Variants in C12orf42 observed in about 807,000 individuals in gnomAD.
The protein encoded by C12orf42 is chromosome 12 open reading frame 42, also known as uncharacterized protein C12orf42.
In C12orf42, 25 loss-of-function variants were observed where a neutral mutation model predicts 21.6. The ratio of observed to expected loss-of-function variants is 1.16; its 90% CI spans 0.84 to 1.62. The LOEUF (loss-of-function observed/expected upper bound fraction) is 1.62, where lower values mean the gene tolerates loss of function less well. Among genes scored for constraint, C12orf42 ranks in the 40% most tolerant of loss-of-function variants. The probability of loss-of-function intolerance (pLI) is 0.00; values close to 1 mark genes in which losing one functional copy is unlikely to be tolerated. For missense variants in C12orf42, 483 were observed against 459.3 expected, an observed-to-expected ratio of 1.05 and a Z score of -0.47; for synonymous variants, 174 against 175.0, an observed-to-expected ratio of 0.99 and a Z score of 0.05.
intron 4 of C12orf42, among the ~76,000 whole-genome samples, chr12:103,287,823 A>G (rs1346980914): frequency 6.6e-6 from 1 of 151,968 alleles, no homozygotes; most frequent in African/African-American, 2.4e-5. Flanking sequence ...AGAGAGAGAC[A>G]GAGAGAGAAA....
At chr12:103,172,718 A>G in the C12orf42 span, among the ~76,000 whole-genome samples, 3 of 152,178 alleles carry the variant, frequency 2.0e-5, no homozygotes, top group African/African-American at 7.2e-5. Context: ...TTTCAAGGAT[A>G]TTGCTACAAA....
intron 1 of C12orf42, among the ~76,000 whole-genome samples, chr12:103,491,017 C>T (rs1238620930): frequency 1.3e-5 from 2 of 152,078 alleles, no homozygotes; most frequent in African/African-American, 2.4e-5. Context: ...TTTTATCATA[C>T]TCTTAGTCCA....
the C12orf42 span, among the ~76,000 whole-genome samples, chr12:103,211,747 A>C: frequency 6.6e-6 from 1 of 152,206 alleles, no homozygotes; most frequent in Non-Finnish European, 1.5e-5. Flanking sequence ...CGGCTCTCAG[A>C]AACAGTGGGA....
the C12orf42 span, among the ~76,000 whole-genome samples, chr12:103,192,323 T>C: frequency 6.6e-6 from 1 of 151,828 alleles, no homozygotes; most frequent in Admixed American, 6.6e-5. Flanking sequence ...GCCAACATGG[T>C]GAAACCCCCT....
At chr12:103,138,589 A>G in the C12orf42 span, among the ~76,000 whole-genome samples, 1 of 152,184 alleles carries the variant, frequency 6.6e-6, no homozygotes, top group Non-Finnish European at 1.5e-5. Flanking sequence ...CAGCAGTGTG[A>G]GAATGCACTA....
At chr12:103,225,581 C>T in the C12orf42 span, among the ~76,000 whole-genome samples, 731 of 151,776 alleles carry the variant, frequency 4.8e-3, 7 homozygotes, top group African/African-American at 0.017. Flanking sequence ...GGAAGAAGGG[C>T]GGCAATGAGA....
At chr12:103,329,908 C>A (rs949584258) in intron 4 of C12orf42, among the ~76,000 whole-genome samples, 1 of 151,656 alleles carries the variant, frequency 6.6e-6, no homozygotes, top group Non-Finnish European at 1.5e-5. Context: ...ATATGTATAT[C>A]CACTGACATA....
chr12:103,225,427 C>T, the C12orf42 span, among the ~76,000 whole-genome samples: 6 of 151,864 alleles, frequency 4.0e-5, no homozygotes, highest in African/African-American at 9.7e-5. Flanking sequence ...GGGATATTGG[C>T]GTTGAGTAGG....
intron 4 of C12orf42, among the ~76,000 whole-genome samples, chr12:103,320,884 G>A (rs2040018893): frequency 1.3e-5 from 2 of 152,078 alleles, no homozygotes; most frequent in South Asian, 4.1e-4. Flanking sequence ...TCTTAGGTGA[G>A]TATACCTTTT....
rs59088168 is a variant in C12orf42, at chr12:103,442,582, C to T, written c.78+35767G>A. ...TCCATTCTGCCAGTTCCCTGTACAT[C>T]CTGGCATAGCCTCTTTTATTCCCAT... On this transcript the variant is annotated intron_variant, in intron 2 of 5. Coordinates refer to ENST00000548883, the MANE Select transcript of C12orf42 (RefSeq NM_198521.5). Among the ~76,000 whole-genome samples, 1,839 of 152,270 alleles carry T rather than the reference C, an allele frequency of 0.012. 201 individuals carry two copies. The East Asian group carries it at 0.25, about 21-fold the overall frequency.
At chr12:103,214,108 G>T in the C12orf42 span, among the ~76,000 whole-genome samples, 1 of 152,136 alleles carries the variant, frequency 6.6e-6, no homozygotes. Flanking sequence ...TTAATATTCA[G>T]GTGGCTTAAC....
intron 10 of C12orf42, among the ~76,000 whole-genome samples, chr12:103,261,750 C>G (rs920763053): frequency 1.3e-5 from 2 of 152,038 alleles, no homozygotes; most frequent in African/African-American, 4.8e-5. Flanking sequence ...TCAGAAATAT[C>G]TTAACATTGT....
At chr12:103,291,056 T>C (rs2036784272) in intron 4 of C12orf42, among the ~76,000 whole-genome samples, 2 of 152,166 alleles carry the variant, frequency 1.3e-5, no homozygotes, top group South Asian at 2.1e-4. Context: ...AAATATAGTA[T>C]TTAGTCAGAT....
chr12:103,166,634 G>T, the C12orf42 span, among the ~76,000 whole-genome samples: 9 of 152,028 alleles, frequency 5.9e-5, no homozygotes, highest in African/African-American at 1.9e-4. Context: ...GAATTCAAAG[G>T]CAATAAACCC....
chr12:103,222,242 C>T, the C12orf42 span, among the ~76,000 whole-genome samples: 5 of 148,838 alleles, frequency 3.4e-5, no homozygotes, highest in East Asian at 2.0e-4. Context: ...AGGGTGGGGC[C>T]GTTTTATAGG....
chr12:103,203,359 C>T, the C12orf42 span, among the ~76,000 whole-genome samples: 6 of 152,076 alleles, frequency 3.9e-5, no homozygotes, highest in Admixed American at 3.9e-4. Context: ...TTGATCAAAA[C>T]CTATGCAGTG....
At chr12:103,135,757 G>A in the C12orf42 span, among the ~76,000 whole-genome samples, 1 of 152,110 alleles carries the variant, frequency 6.6e-6, no homozygotes, top group South Asian at 2.1e-4. Context: ...TTCAACATAT[G>A]CAAATAAATA....
downstream of C12orf42, among the ~76,000 whole-genome samples, chr12:103,237,374 G>A (rs1008126938): frequency 4.6e-5 from 7 of 152,290 alleles, 1 homozygote; most frequent in Admixed American, 2.6e-4. Flanking sequence ...CAAGATCCCA[G>A]GGTCTGCAGT....
the C12orf42 span, among the ~76,000 whole-genome samples, chr12:103,200,222 C>T: frequency 6.6e-6 from 1 of 152,098 alleles, no homozygotes; most frequent in Non-Finnish European, 1.5e-5. Flanking sequence ...ATGAAATAAG[C>T]CAGACACAGA....
Sources: allele counts gnomAD v4.1 joint callset (sites outside exome capture counted in the v4.1 genomes callset), GRCh38; gene constraint gnomAD v4.1.1; transcripts MANE v1.5; gene names NCBI Gene and HGNC (gene_info 2026-07-23, HGNC 2026-07-21).